The following TRIM69 variants were observed in gnomAD, a reference collection of about 807,000 sequenced individuals.
TRIM69 encodes the protein tripartite motif containing 69.
Under a neutral mutation model 37.7 loss-of-function variants are expected in TRIM69, and 29 were observed. The observed-to-expected ratio is 0.77, with a 90% confidence interval of 0.57 to 1.05. The LOEUF (loss-of-function observed/expected upper bound fraction) is 1.05, where lower values mean the gene tolerates loss of function less well. Ranked by LOEUF, TRIM69 falls within the 50% of genes least tolerant of loss-of-function variation. The pLI is 0.00. For synonymous variants in TRIM69, 209 were observed against 212.4 expected, an observed-to-expected ratio of 0.98 and a Z score of 0.14; for missense variants, 596 against 579.9, an observed-to-expected ratio of 1.03 and a Z score of -0.28.
At chr15:44,742,133 T>C (rs1345318376) in intron 1 of TRIM69, among the ~76,000 whole-genome samples, 3 of 151,202 alleles carry the variant, frequency 2.0e-5, no homozygotes, top group Non-Finnish European at 3.0e-5. Flanking sequence ...TCAAGTGGGC[T>C]TCATCCCTGG....
At chr15:44,752,035 G>A (rs1052677201) in intron 1 of TRIM69, among the ~76,000 whole-genome samples, 6 of 152,118 alleles carry the variant, frequency 3.9e-5, no homozygotes, top group Non-Finnish European at 7.3e-5. Flanking sequence ...GATTAGAGGT[G>A]TGAGCCACTG....
At chr15:44,737,867 C>T (rs989121185) in intron 1 of TRIM69, among the ~76,000 whole-genome samples, 1 of 152,052 alleles carries the variant, frequency 6.6e-6, no homozygotes, top group Non-Finnish European at 1.5e-5. Context: ...AATGAACTCT[C>T]CTTAGATATC....
chr15:44,737,646 G>A (rs2087189877), intron 1 of TRIM69, among the ~76,000 whole-genome samples: 1 of 152,130 alleles, frequency 6.6e-6, no homozygotes, highest in Admixed American at 6.5e-5. Context: ...GCTCCAAGAA[G>A]TCAGAAAGTT....
intron 3 of TRIM69, 93 bp from the exon 4 acceptor site, chr15:44,758,528 A>AT (rs1459996766): frequency 2.0e-6 from 3 of 1,525,866 alleles, no homozygotes; most frequent in East Asian, 4.6e-5. Flanking sequence ...CTGTGATGGT[A>AT]TTTACCAAGT....
chr15:44,738,055 T>C (rs77272391), intron 1 of TRIM69, among the ~76,000 whole-genome samples: 2 of 18,366 alleles, frequency 1.1e-4, no homozygotes, highest in African/African-American at 2.8e-4. Context: ...TCTTTCTTTC[T>C]TTTTTTTTTT....
chr15:44,744,640 T>A (rs910533336), intron 1 of TRIM69, among the ~76,000 whole-genome samples: 2 of 152,130 alleles, frequency 1.3e-5, no homozygotes, highest in African/African-American at 4.8e-5. Context: ...TTTTAACACT[T>A]TAACTTACTC....
chr15:44,760,155 T>C (rs8031964), intron 6 of TRIM69, among the ~76,000 whole-genome samples: 9,472 of 152,330 alleles, frequency 0.062, 330 homozygotes, highest in African/African-American at 0.083. Flanking sequence ...AATTTTATCT[T>C]GTTTTGCTAA....
chr15:44,767,319 T>A lies in TRIM69; in HGVS notation c.1050T>A (p.Ile350=). ...AAACCAGCGTCTGGCATGGTGACAT[T>A]AAGAAGATAATGCCTGATGATCCTG... is the stretch of plus-strand genomic sequence containing the variant. ...KSQTSVWHGD[I]KKIMPDDPER... is the part of the protein sequence containing the mutation. The change falls in exon 7 of 7, where the codon ATT becomes ATA. Residue 350 remains isoleucine, a synonymous_variant. Transcript: ENST00000329464. 6.2e-7 allele frequency: 1 copy of A among 1,614,026 alleles called. No individual in the cohort carries two copies. Among genetic ancestry groups the A allele is most frequent in the Non-Finnish European group, 8.5e-7 (1 of 1,180,016 alleles).
At chr15:44,751,382 C>T (rs1011911127) in intron 1 of TRIM69, among the ~76,000 whole-genome samples, 2 of 152,056 alleles carry the variant, frequency 1.3e-5, no homozygotes, top group African/African-American at 4.8e-5. Flanking sequence ...TCCCAAAGTG[C>T]TAGGATTACA....
intron 1 of TRIM69, among the ~76,000 whole-genome samples, chr15:44,737,483 T>C (rs141265294): frequency 6.6e-6 from 1 of 152,336 alleles, no homozygotes; most frequent in East Asian, 1.9e-4. Context: ...TATATTCTTA[T>C]TACTTTAAGG....
chr15:44,737,827 C>T (rs1425470483), intron 1 of TRIM69, among the ~76,000 whole-genome samples: 1 of 152,010 alleles, frequency 6.6e-6, no homozygotes, highest in Non-Finnish European at 1.5e-5. Flanking sequence ...TTAAAAATTA[C>T]TTTGAAGGAA....
Position 44,767,277 on chromosome 15 carries a change from G to A in TRIM69, c.1008G>A (p.Leu336=), listed in dbSNP as rs1431831912. ...ACCCTAAAACAGCTCACCCAAATCT[G>A]GTGCTCTCCAAAAGCCAAACCAGCG... ...TLDPKTAHPN[L]VLSKSQTSVW... Residue 336 remains leucine (L), a synonymous_variant, in exon 7 of 7, where the codon CTG becomes CTA. Coordinates refer to ENST00000329464, the MANE Select transcript of TRIM69 (RefSeq NM_182985.5). 4 of 1,613,682 alleles carry A rather than the reference G, an allele frequency of 2.5e-6. No individual in the cohort carries two copies. The highest frequency in any genetic ancestry group is 8.5e-7 in the Non-Finnish European group (1 of 1,179,990).
chr15:44,745,393 C>A (rs1216579356), intron 1 of TRIM69, among the ~76,000 whole-genome samples: 1 of 152,012 alleles, frequency 6.6e-6, no homozygotes, highest in Non-Finnish European at 1.5e-5. Flanking sequence ...CTAAACAAAA[C>A]AACTACAACA....
rs117989326 is a variant in TRIM69, at chr15:44,737,135, G to T, written c.6+425G>T. ...ATTCTTCCTTTAAGACCTCTTCAGA[G>T]CTAAAATAAAGGAAGTTATGTTCTT... On this transcript the variant is annotated intron_variant, in intron 1 of 6. Transcript: ENST00000329464. 3.3e-3 allele frequency among the ~76,000 whole-genome samples: 499 copies of T among 152,230 alleles called. 3 individuals are homozygous for T. Among genetic ancestry groups the T allele is most frequent in the South Asian group, 0.012 (59 of 4,822 alleles).
chr15:44,762,255 C>T (rs1003074620), intron 6 of TRIM69, among the ~76,000 whole-genome samples: 12 of 152,302 alleles, frequency 7.9e-5, no homozygotes, highest in East Asian at 5.8e-4. Flanking sequence ...CGTGAGCCAC[C>T]GCACCTGGCC....
intron 1 of TRIM69, among the ~76,000 whole-genome samples, chr15:44,740,127 G>A (rs2087250103): frequency 1.3e-5 from 2 of 152,340 alleles, no homozygotes; most frequent in South Asian, 4.1e-4. Context: ...ACAGGGTCTG[G>A]AGTGGACCTC....
chr15:44,750,852 G>A (rs913609846), intron 1 of TRIM69, among the ~76,000 whole-genome samples: 7 of 147,152 alleles, frequency 4.8e-5, no homozygotes, highest in African/African-American at 1.8e-4. Flanking sequence ...AGCCTCCCGA[G>A]TAGCTGGGAC....
chr15:44,745,550 C>A (rs2087388223), intron 1 of TRIM69, among the ~76,000 whole-genome samples: 1 of 151,994 alleles, frequency 6.6e-6, no homozygotes, highest in Admixed American at 6.6e-5. Flanking sequence ...TTAATAGAAA[C>A]TATTCCTGAG....
intron 2 of TRIM69, 148 bp downstream of exon 2, chr15:44,755,524 G>T (rs2087628658): frequency 4.5e-6 from 3 of 671,398 alleles, no homozygotes; most frequent in Non-Finnish European, 5.0e-6. Flanking sequence ...ATCTTGCAAA[G>T]TTCTTTTTCT....
Sources: gnomAD v4.1 joint callset for allele counts (sites outside exome capture counted in the v4.1 genomes callset) on GRCh38, gnomAD v4.1.1 for gene constraint, MANE v1.5 for transcripts, NCBI Gene and HGNC (gene_info 2026-07-23, HGNC 2026-07-21) for gene names.